CA5A: variants seen among roughly 807,000 people sequenced by gnomAD.
CA5A encodes the protein carbonic anhydrase 5A, also known as carbonic anhydrase 5A, mitochondrial.
CA5A carries 28 observed loss-of-function variants against 37.1 expected under a neutral mutation model. The observed-to-expected ratio is 0.75, with a 90% CI of 0.56 to 1.03. The LOEUF (loss-of-function observed/expected upper bound fraction) is 1.03. Ranked by LOEUF, CA5A falls within the 50% of genes least tolerant of loss-of-function variation. The pLI is 0.00. For synonymous variants in CA5A, 171 were observed against 158.4 expected (o/e 1.08, Z -0.60); for missense variants, 444 against 399.9 (o/e 1.11, Z -0.94).
intron 2 of CA5A, chr16:87,923,854 G>T (rs1567534064): frequency 2.0e-6 from 2 of 984,210 alleles, no homozygotes; most frequent in Non-Finnish European, 2.4e-6. Context: ...GACAACTATT[G>T]TTCTCAAAAT....
At chr16:87,928,267 G>T (rs563479993) in intron 1 of CA5A, among the ~76,000 whole-genome samples, 185 of 152,254 alleles carry the variant, frequency 1.2e-3, no homozygotes, top group African/African-American at 4.3e-3. Flanking sequence ...AGGCTGAATC[G>T]ATCCTCCCAC....
chr16:87,890,152 G>T (rs1351934132), intron 6 of CA5A, among the ~76,000 whole-genome samples: 1 of 152,204 alleles, frequency 6.6e-6, no homozygotes, highest in Non-Finnish European at 1.5e-5. Flanking sequence ...TATGACACCG[G>T]CCACCCTGGC....
At chr16:87,924,231 G>A in intron 2 of CA5A, 1 of 985,422 alleles carries the variant, frequency 1.0e-6, no homozygotes, top group Non-Finnish European at 1.2e-6. Flanking sequence ...ACTGCTGCTG[G>A]CACTCAGCAA....
chr16:87,935,025 A>G (rs1027836661), intron 1 of CA5A, among the ~76,000 whole-genome samples: 4 of 152,184 alleles, frequency 2.6e-5, no homozygotes, highest in Admixed American at 6.6e-5. Flanking sequence ...TCATCCTTCC[A>G]TGGCCCTGGA....
chr16:87,909,404 T>C (rs953720508), intron 2 of CA5A, among the ~76,000 whole-genome samples: 2 of 152,190 alleles, frequency 1.3e-5, no homozygotes, highest in African/African-American at 2.4e-5. Context: ...TCTGGCTCTA[T>C]GATACGCAAA....
chr16:87,889,300 T>C (rs919091744), intron 6 of CA5A, among the ~76,000 whole-genome samples: 3 of 152,026 alleles, frequency 2.0e-5, no homozygotes, highest in Admixed American at 2.0e-4. Context: ...GGTGATCGAC[T>C]TGCCTAGGCC....
chr16:87,933,746 G>C (rs1282806453), intron 1 of CA5A, among the ~76,000 whole-genome samples: 1 of 152,124 alleles, frequency 6.6e-6, no homozygotes, highest in African/African-American at 2.4e-5. Flanking sequence ...CAAACCACCA[G>C]TGATTTTTCA....
chr16:87,917,511 C>G (rs2144028085), intron 2 of CA5A, among the ~76,000 whole-genome samples: 1 of 152,354 alleles, frequency 6.6e-6, no homozygotes, highest in Non-Finnish European at 1.5e-5. Flanking sequence ...TTCTACCTAA[C>G]TTCCCCAAAA....
chr16:87,933,704 G>A (rs367665808), intron 1 of CA5A, among the ~76,000 whole-genome samples: 18 of 152,138 alleles, frequency 1.2e-4, no homozygotes, highest in African/African-American at 3.9e-4. Flanking sequence ...ATCACTGAGC[G>A]TTTTGTAACT....
chr16:87,884,565 CT>C (rs1338388630), downstream of CA5A: 438 of 108,442 alleles, frequency 4.0e-3, 1 homozygote, highest in Non-Finnish European at 5.9e-3. Flanking sequence ...AAAACTCTGT[CT>C]CAAAAAAAAA....
intron 1 of CA5A, among the ~76,000 whole-genome samples, chr16:87,928,473 A>G (rs991788427): frequency 6.6e-6 from 1 of 152,064 alleles, no homozygotes; most frequent in Admixed American, 6.6e-5. Context: ...GTACCACCAC[A>G]CCCGGCCAGG....
chr16:87,904,237 G>A (rs1567521664), intron 3 of CA5A, among the ~76,000 whole-genome samples: 1 of 152,024 alleles, frequency 6.6e-6, no homozygotes, highest in Non-Finnish European at 1.5e-5. Context: ...AGCTACTCGG[G>A]AGGCTGAGGC....
intron 5 of CA5A, among the ~76,000 whole-genome samples, chr16:87,896,397 G>C (rs942192657): frequency 1.4e-4 from 22 of 152,324 alleles, no homozygotes; most frequent in South Asian, 1.2e-3. Context: ...AGATGCATGA[G>C]GGCTGGAGCA....
chr16:87,912,489 C>T (rs1468988036), intron 2 of CA5A, among the ~76,000 whole-genome samples: 3 of 152,220 alleles, frequency 2.0e-5, no homozygotes, highest in Admixed American at 6.5e-5. Context: ...GCTTTGCCAA[C>T]CATGCAAGCA....
intron 2 of CA5A, among the ~76,000 whole-genome samples, chr16:87,912,719 C>T (rs954040483): frequency 1.3e-5 from 2 of 152,212 alleles, no homozygotes; most frequent in East Asian, 1.9e-4. Flanking sequence ...TTGCTTGGGA[C>T]GCCCAGGAGG....
chr16:87,914,545 C>T lies in CA5A; in HGVS notation c.341-9641G>A, dbSNP rs535402342. Among the ~76,000 whole-genome samples, 77 of 152,222 alleles carry T rather than the reference C, an allele frequency of 5.1e-4. 1 individual carries two copies. In the South Asian group the frequency reaches 5.6e-3, roughly 11 times the overall value. ...GTGGGAGGAGGAGGAGGCACAGAGC[C>T]GTCTGAACACAGCTAGAGCCACTCA... On this transcript the variant is annotated intron_variant, in intron 2 of 6. Transcript: ENST00000649794.
intron 3 of CA5A, among the ~76,000 whole-genome samples, chr16:87,904,376 C>G (rs1281376600): frequency 6.6e-6 from 1 of 151,548 alleles, no homozygotes; most frequent in Non-Finnish European, 1.5e-5. Flanking sequence ...AACAAACAAA[C>G]AAACAAACAA....
At chr16:87,918,053 G>A (rs543950150) in intron 2 of CA5A, among the ~76,000 whole-genome samples, 12 of 152,364 alleles carry the variant, frequency 7.9e-5, no homozygotes, top group Admixed American at 6.5e-4. Flanking sequence ...TCTTGGAGCT[G>A]CCGATTTGTG....
chr16:87,929,891 A>AAAAAAT, intron 1 of CA5A, among the ~76,000 whole-genome samples: 3 of 151,642 alleles, frequency 2.0e-5, no homozygotes, highest in Non-Finnish European at 2.9e-5. Context: ...AAAAAAAAAA[A>AAAAAAT]AAAAATAAGT....
Sources: gnomAD v4.1 joint callset for allele counts (sites outside exome capture counted in the v4.1 genomes callset) on GRCh38, gnomAD v4.1.1 for gene constraint, MANE v1.5 for transcripts, NCBI Gene and HGNC (gene_info 2026-07-23, HGNC 2026-07-21) for gene names.